The following WDR62 variants were observed in gnomAD, a reference collection of about 807,000 sequenced individuals.
WDR62 encodes the protein WD repeat domain 62, also known as WD repeat-containing protein 62.
A neutral mutation model predicts 160.6 loss-of-function variants in WDR62; 112 were observed. That is an observed-to-expected ratio of 0.70 (90% CI 0.60 to 0.82). The LOEUF (loss-of-function observed/expected upper bound fraction) is 0.82, where lower values mean the gene tolerates loss of function less well. WDR62 is among the 40% of genes least tolerant of loss of function. The pLI is 0.00. For synonymous variants in WDR62, 792 were observed against 815.1 expected (o/e 0.97, Z 0.48); for missense variants, 1,819 against 1,983.8 (o/e 0.92, Z 1.58).
intron 10 of WDR62, among the ~76,000 whole-genome samples, chr19:36,082,674 G>T (rs910721604): frequency 1.3e-5 from 2 of 152,206 alleles, no homozygotes; most frequent in Non-Finnish European, 2.9e-5. Flanking sequence ...GTAGTCTGAA[G>T]GTAACCAGTT....
rs1187869909 is a variant in WDR62, at chr19:36,104,661, G to T, written c.4297G>T (p.Asp1433Tyr). Residue 1433 changes from aspartate (D) to tyrosine (Y), a missense_variant, in exon 31 of 32, where the codon GAC (aspartate) becomes TAC (tyrosine). By Grantham distance (160) the Asp-to-Tyr change is radical. Around this residue, in one of 3 missense-constraint regions of WDR62, gnomAD observed 770 missense variants for 734.2 expected, o/e 1.05. Transcript: ENST00000401500. ...RLQTTFQEAL[D>Y]LYRVLVSSGQ... is the part of the protein sequence containing the mutation. Reference sequence around the variant, plus strand: ...GCAGACCACCTTCCAAGAAGCCCTCGACCTTTACCGTGTGGTGAGCTAAGC... The same window carrying T: ...GCAGACCACCTTCCAAGAAGCCCTCTACCTTTACCGTGTGGTGAGCTAAGC... The T allele has an allele frequency of 1.2e-6, 2 of 1,614,064 alleles. No individual in the cohort carries two copies. Among genetic ancestry groups the T allele is most frequent in the Admixed American group, 1.7e-5 (1 of 60,018 alleles).
At chr19:36,105,161 T>G (rs975423952), downstream of WDR62, 1 of 1,196,002 alleles carries the variant, frequency 8.4e-7, no homozygotes, top group African/African-American at 1.5e-5. Flanking sequence ...CAAGTGGAAG[T>G]GGGGAGGGAG....
intron 7 of WDR62, 76 bp downstream of exon 7, chr19:36,068,086 T>C: frequency 6.6e-7 from 1 of 1,519,878 alleles, no homozygotes; most frequent in East Asian, 2.4e-5. Context: ...CTCATCAGCA[T>C]TGACCACACA....
rs189954836 is a variant in WDR62 at position 36,099,008 on chromosome 19, G to A, written c.2521-391G>A. On this transcript the variant is annotated intron_variant, in intron 21 of 31. Transcript: ENST00000401500. ...AAGCCGAGGCGGGCGGATCACTTGA[G>A]GTCAGCAGTTTGAGACCAGCCTGGC... 6.7e-3 allele frequency among the ~76,000 whole-genome samples: 1,015 copies of A among 152,144 alleles called. 14 individuals are homozygous for A. The highest frequency in any genetic ancestry group is 0.024 in the African/African-American group (976 of 41,504).
At position 36,066,048 on chromosome 19, in the gene WDR62, G is replaced by A. The variant is rs751905263; in HGVS notation, c.390+33G>A. ...GTGATCGTGACTGAGTGGGAGTCGG[G>A]GGCTGGGGGGTCTTGGAAGCCATTC... On this transcript the variant is annotated intron_variant, in intron 4 of 31. Transcript: ENST00000401500. 3.7e-6 allele frequency: 6 copies of A among 1,611,986 alleles called. No homozygotes were observed. The Admixed American group carries it at 5.0e-5, about 13-fold the overall frequency.
intron 3 of WDR62, 130 bp from the exon 4 acceptor site, chr19:36,065,828 G>A: frequency 2.3e-6 from 2 of 885,790 alleles, no homozygotes; most frequent in Non-Finnish European, 3.8e-6. Flanking sequence ...AGCTGCTTGA[G>A]CTCACCTCTG....
chr19:36,088,927 G>C, intron 13 of WDR62, 111 bp from the exon 14 acceptor site: 1 of 1,245,210 alleles, frequency 8.0e-7, no homozygotes, highest in Non-Finnish European at 1.2e-6. Context: ...CCTTTAGGAA[G>C]CCTTGATCCC....
chr19:36,106,440 C>T (rs924845398), downstream of WDR62, among the ~76,000 whole-genome samples: 3 of 152,024 alleles, frequency 2.0e-5, no homozygotes, highest in African/African-American at 7.2e-5. Flanking sequence ...TCAGGCAACG[C>T]ACCTGCCCTC....
rs1304375116 is a variant in WDR62 at position 36,066,262 on chromosome 19, G to A, written c.396G>A (p.Gly132=). Residue 132 remains glycine, a synonymous_variant, in exon 5 of 32, where the codon GGG becomes GGA. Coordinates refer to ENST00000401500, the MANE Select transcript of WDR62 (RefSeq NM_001083961.2). Reference sequence around the variant, plus strand: ...AACGACCCCACCTTCCCTAGAATGGGCATAGGCCTGCTGTGCGCATCTGGG... The same window carrying A: ...AACGACCCCACCTTCCCTAGAATGGACATAGGCCTGCTGTGCGCATCTGGG... ...DGKYIVTGEN[G]HRPAVRIWDV... 2 of 1,614,160 alleles carry A rather than the reference G, an allele frequency of 1.2e-6. No individual in the cohort carries two copies. Among genetic ancestry groups the A allele is most frequent in the South Asian group, 1.1e-5 (1 of 91,082 alleles).
At chr19:36,086,974 C>G (rs1972277077) in intron 13 of WDR62, among the ~76,000 whole-genome samples, 162 bp downstream of exon 13, 2 of 152,214 alleles carry the variant, frequency 1.3e-5, no homozygotes, top group Non-Finnish European at 2.9e-5. Flanking sequence ...TGGCTCACAC[C>G]TGTAATCCCA....
In WDR62 at chr19:36,104,943, T is replaced by C. The variant is rs768813780; in HGVS notation, c.4487T>C (p.Leu1496Pro). The part of the protein sequence containing the change: ...GPPSPPTLYP[L>P]ASPDLQALLE... ...CCGTCCCCACCGACGCTGTACCCCC[T>C]GGCCAGCCCAGACCTGCAGGCCCTG... The change falls in exon 32 of 32, where the codon CTG becomes CCG. Residue 1496 changes from leucine to proline, a missense_variant. Transcript: ENST00000401500. The C allele has an allele frequency of 4.4e-6, 7 of 1,607,874 alleles. No homozygotes were observed. The South Asian group carries it at 7.7e-5, about 18-fold the overall frequency.
At chr19:36,082,930 TTC>T in intron 10 of WDR62, 131 bp from the exon 11 acceptor site, 1 of 760,510 alleles carries the variant, frequency 1.3e-6, no homozygotes, top group Non-Finnish European at 2.3e-6. Context: ...GAAATAATTA[TTC>T]TGATTGGTGA....
At chr19:36,101,639 T>C in intron 24 of WDR62, 25 bp from the exon 25 acceptor site, 1 of 1,525,636 alleles carries the variant, frequency 6.6e-7, no homozygotes, top group Non-Finnish European at 8.9e-7. Flanking sequence ...GGCTGTGGGC[T>C]CCTGACCCCG....
intron 24 of WDR62, 21 bp from the exon 25 acceptor site, chr19:36,101,643 G>C: frequency 6.5e-7 from 1 of 1,540,876 alleles, no homozygotes; most frequent in South Asian, 1.2e-5. Context: ...GTGGGCTCCT[G>C]ACCCCGACTC....
At position 36,089,159 on chromosome 19, in the gene WDR62, TCTGAAGGTC is replaced by T. The variant is rs1370335455; in HGVS notation, c.1837-22_1837-14del. Reference sequence around the variant, plus strand: ...GGGGTGGGGGGTTGTCGGGGCATTCTCTGAAGGTCCTGCCGGCCCTGCCAGGGTTCGGAT... The same window carrying T: ...GGGGTGGGGGGTTGTCGGGGCATTCTCTGCCGGCCCTGCCAGGGTTCGGAT... On this transcript the variant is annotated splice_polypyrimidine_tract_variant and intron_variant, in intron 14 of 31. Transcript: ENST00000401500. The T allele has an allele frequency of 6.2e-7, 1 of 1,613,188 alleles. No homozygotes were observed. Among genetic ancestry groups the T allele is most frequent in the Non-Finnish European group, 8.5e-7 (1 of 1,179,652 alleles).
chr19:36,083,112 A>T lies in WDR62; in HGVS notation c.1421A>T (p.Asp474Val). The change falls in exon 11 of 32, where the codon GAC (aspartate) becomes GTC (valine). Residue 474 changes from aspartate (D) to valine (V), a missense_variant. Physicochemically the swap from Asp to Val is radical, Grantham distance 152. This residue lies in a region of WDR62 where 934 missense variants were observed against 1,157.2 expected (regional missense o/e 0.81). Coordinates refer to ENST00000401500, the MANE Select transcript of WDR62 (RefSeq NM_001083961.2). Reference sequence around the variant, plus strand: ...GAGAATGACATCCAGCACCTGCAGGACATGTCACACTTCCCAGACCGGGGG... The same window carrying T: ...GAGAATGACATCCAGCACCTGCAGGTCATGTCACACTTCCCAGACCGGGGG... The part of the protein sequence containing the change: ...YVENDIQHLQ[D>V]MSHFPDRGSE... 6.2e-7 allele frequency: 1 copy of T among 1,613,740 alleles called. No individual in the cohort carries two copies. Among genetic ancestry groups the T allele is most frequent in the Non-Finnish European group, 8.5e-7 (1 of 1,179,860 alleles).
chr19:36,091,818 G>C (rs1375907224), intron 18 of WDR62, among the ~76,000 whole-genome samples: 1 of 151,872 alleles, frequency 6.6e-6, no homozygotes, highest in Admixed American at 6.6e-5. Flanking sequence ...GTAGGTAGAG[G>C]TTGCAGGGAG....
At chr19:36,065,844 C>G (rs1381433851) in intron 3 of WDR62, 114 bp from the exon 4 acceptor site, 1 of 1,048,450 alleles carries the variant, frequency 9.5e-7, no homozygotes, top group South Asian at 1.3e-5. Context: ...CTCTGCTGGC[C>G]TCTTCCGAGG....
chr19:36,072,483 G>A (rs1288631048), intron 8 of WDR62, among the ~76,000 whole-genome samples: 1 of 152,138 alleles, frequency 6.6e-6, no homozygotes, highest in East Asian at 1.9e-4. Context: ...TACATGTTAG[G>A]TCCCTCAGCT....
Sources: allele counts gnomAD v4.1 joint callset (sites outside exome capture counted in the v4.1 genomes callset), GRCh38; gene constraint gnomAD v4.1.1; regional missense constraint gnomAD v4.1.1; transcripts MANE v1.5; gene names NCBI Gene and HGNC (gene_info 2026-07-23, HGNC 2026-07-21).